The following ASB5 variants were observed in gnomAD, a reference collection of about 807,000 sequenced individuals.
ASB5 encodes ankyrin repeat and SOCS box protein 5.
In ASB5, 45 loss-of-function variants were observed where a neutral mutation model predicts 42.1. The ratio of observed to expected loss-of-function variants is 1.07; its 90% confidence interval spans 0.84 to 1.37. The LOEUF (loss-of-function observed/expected upper bound fraction) is 1.37, where lower values mean the gene tolerates loss of function less well. Among genes scored for constraint, ASB5 ranks in the 40% most tolerant of loss-of-function variants. The pLI, the probability that ASB5 is intolerant of heterozygous loss-of-function variation, is 0.00. For synonymous variants in ASB5, 147 were observed against 150.6 expected, an observed-to-expected ratio of 0.98 and a Z score of 0.18; for missense variants, 402 against 399.8, an observed-to-expected ratio of 1.01 and a Z score of -0.05.
At chr4:176,273,388 A>G (rs1463715840), upstream of ASB5, among the ~76,000 whole-genome samples, 1 of 152,142 alleles carries the variant, frequency 6.6e-6, no homozygotes, top group African/African-American at 2.4e-5. Context: ...TCACGGTAAT[A>G]TATTCACTAT....
chr4:176,226,520 C>T (rs2126950318), intron 1 of ASB5, among the ~76,000 whole-genome samples: 1 of 152,250 alleles, frequency 6.6e-6, no homozygotes, highest in South Asian at 2.1e-4. Context: ...TGAGCCAATT[C>T]CCCTAATCTC....
At chr4:176,237,412 G>A (rs1014530220) in intron 1 of ASB5, 1 of 985,704 alleles carries the variant, frequency 1.0e-6, no homozygotes, top group Non-Finnish European at 1.2e-6. Context: ...CAATATCTGC[G>A]GACATAGTTT....
At chr4:176,258,689 C>T (rs1754201887) in intron 1 of ASB5, among the ~76,000 whole-genome samples, 2 of 151,992 alleles carry the variant, frequency 1.3e-5, no homozygotes, top group African/African-American at 4.8e-5. Context: ...CATTGTCTTT[C>T]AAAAGTAATG....
chr4:176,247,057 G>T (rs1161823494), intron 1 of ASB5, among the ~76,000 whole-genome samples: 4 of 151,956 alleles, frequency 2.6e-5, no homozygotes, highest in Non-Finnish European at 5.9e-5. Context: ...TGACAAACAG[G>T]TTGAAAATGT....
In ASB5 at chr4:176,238,471, G is replaced by A. The variant is rs377411583; in HGVS notation, c.197-13130C>T. Among the ~76,000 whole-genome samples, 6 of 152,128 alleles carry A rather than the reference G, an allele frequency of 3.9e-5. No homozygotes were observed. In the East Asian group the frequency reaches 5.8e-4, roughly 15 times the overall value. ...CAGGATGAGAGGAAAAACCAAACAT[G>A]TGCCTGGTATTTTTTACTGGCCTAT... On this transcript the variant is annotated intron_variant, in intron 1 of 6. Transcript: ENST00000296525.
In ASB5 at chr4:176,219,584, ATATATATATATATATATAT is replaced by A. The variant is rs1753134978; in HGVS notation, c.670+1552_670+1570del. Among the ~76,000 whole-genome samples, 177 of 49,032 alleles carry A rather than the reference ATATATATATATATATATAT, an allele frequency of 3.6e-3. 19 individuals are homozygous for A. The highest frequency in any genetic ancestry group is 0.023 in the East Asian group (49 of 2,168). 32.2% of individuals were successfully genotyped at this position (49,032 alleles called of 152,430 possible). On this transcript the variant is annotated intron_variant, in intron 5 of 6. Transcript: ENST00000296525. ...ATGTATATATTTGTATGATATATAT[ATATATATATATATATATAT>A]ATATATATATATATAGGCTGGAGTA...
Position 176,221,283 on chromosome 4 carries a change from T to C in ASB5, c.542A>G (p.His181Arg). Residue 181 changes from histidine (H) to arginine (R), a missense_variant, in exon 5 of 7, where the codon CAT becomes CGT. His to Arg is a conservative substitution (Grantham distance 29, BLOSUM62 0). Transcript: ENST00000296525. ...GGATATCAGGATGTCAAGACATTCA[T>C]GGTGACCTGCCAACACAAAGTAGAG... is the stretch of plus-strand genomic sequence containing the variant. ...PTHEAASKGH[H>R]ECLDILISWG... The C allele has an allele frequency of 6.2e-7, 1 of 1,614,014 alleles. No individual in the cohort carries two copies. The highest frequency in any genetic ancestry group is 8.5e-7 in the Non-Finnish European group (1 of 1,179,952).
chr4:176,222,572 C>T, intron 2 of ASB5, 152 bp from the exon 3 acceptor site: 1 of 702,432 alleles, frequency 1.4e-6, no homozygotes, highest in Non-Finnish European at 2.4e-6. Flanking sequence ...GTTCAAATGC[C>T]ATAGGGTCAA....
At chr4:176,245,857 T>C (rs1377065810) in intron 1 of ASB5, among the ~76,000 whole-genome samples, 1 of 151,930 alleles carries the variant, frequency 6.6e-6, no homozygotes, top group East Asian at 1.9e-4. Context: ...ATGAGAACAC[T>C]TGAATACAGG....
chr4:176,239,153 G>A (rs1371043660), intron 1 of ASB5, among the ~76,000 whole-genome samples: 1 of 152,012 alleles, frequency 6.6e-6, no homozygotes, highest in African/African-American at 2.4e-5. Context: ...AGACTGAAGG[G>A]GCCTATTCAG....
At chr4:176,273,089 A>G (rs535867688), upstream of ASB5, among the ~76,000 whole-genome samples, 1 of 152,140 alleles carries the variant, frequency 6.6e-6, no homozygotes, top group East Asian at 1.9e-4. Flanking sequence ...AGCTGGGACT[A>G]CAGGCATGAG....
At chr4:176,242,269 C>A (rs564941070) in intron 1 of ASB5, among the ~76,000 whole-genome samples, 1 of 152,292 alleles carries the variant, frequency 6.6e-6, no homozygotes, top group African/African-American at 2.4e-5. Flanking sequence ...TTATGCTTGA[C>A]TTCATGACAG....
intron 1 of ASB5, among the ~76,000 whole-genome samples, chr4:176,246,021 A>C (rs113411380): frequency 0.093 from 13,718 of 147,444 alleles, 663 homozygotes; most frequent in African/African-American, 0.12. Context: ...CGTTGTGCAC[A>C]TGTACCCTAG....
chr4:176,257,274 C>G (rs1303594688), intron 1 of ASB5, among the ~76,000 whole-genome samples: 1 of 152,190 alleles, frequency 6.6e-6, no homozygotes, highest in Non-Finnish European at 1.5e-5. Context: ...TCAAAGAGTT[C>G]TTTCAGAGCA....
chr4:176,215,508 T>A lies in ASB5; in HGVS notation c.*92A>T. Reference sequence around the variant, plus strand: ...CTGGGTGATCTCACACTCACTTTTATCCTATCTTTAGCATATTTTTATATG... The same window carrying A: ...CTGGGTGATCTCACACTCACTTTTAACCTATCTTTAGCATATTTTTATATG... On this transcript the variant is annotated 3_prime_UTR_variant, in exon 7 of 7. Transcript: ENST00000296525. 1.5e-6 allele frequency: 2 copies of A among 1,343,720 alleles called. No individual in the cohort carries two copies. The highest frequency in any genetic ancestry group is 2.4e-5 in the Admixed American group (1 of 41,232). 83.2% of individuals were successfully genotyped at this position (1,343,720 alleles called of 1,614,324 possible). A position where few individuals can be genotyped will look rare whatever the true frequency, so the allele number is the denominator to read the frequency against.
Position 176,221,618 on chromosome 4 carries a change from A to G in ASB5, c.385-18T>C, listed in dbSNP as rs1231518109. The G allele has an allele frequency of 6.3e-7, 1 of 1,585,086 alleles. No homozygotes were observed. Among genetic ancestry groups the G allele is most frequent in the South Asian group, 1.1e-5 (1 of 89,160 alleles). ...GCATTTACCTAAACCAAACCAAAAT[A>G]TCCAAACATAAGATTCATAAGTCAT... is the stretch of plus-strand genomic sequence containing the variant. On this transcript the variant is annotated intron_variant, in intron 3 of 6. Coordinates refer to ENST00000296525, the MANE Select transcript of ASB5 (RefSeq NM_080874.4).
chr4:176,234,473 ATCCT>A (rs1156583856), intron 1 of ASB5, among the ~76,000 whole-genome samples: 1 of 151,944 alleles, frequency 6.6e-6, no homozygotes, highest in Non-Finnish European at 1.5e-5. Context: ...CTATTAAAAA[ATCCT>A]CCCTGTCCCT....
At chr4:176,240,266 C>T (rs1012528043) in intron 1 of ASB5, among the ~76,000 whole-genome samples, 1 of 152,076 alleles carries the variant, frequency 6.6e-6, no homozygotes, top group Non-Finnish European at 1.5e-5. Flanking sequence ...CTAAGATATA[C>T]CATAGATGAA....
chr4:176,267,687 G>T (rs528198796), intron 1 of ASB5, among the ~76,000 whole-genome samples: 4 of 152,098 alleles, frequency 2.6e-5, no homozygotes, highest in Non-Finnish European at 5.9e-5. Context: ...GTTAAATACA[G>T]CCTATTTACT....
Sources: gnomAD v4.1 joint callset for allele counts (sites outside exome capture counted in the v4.1 genomes callset) on GRCh38, gnomAD v4.1.1 for gene constraint, MANE v1.5 for transcripts, NCBI Gene and HGNC (gene_info 2026-07-23, HGNC 2026-07-21) for gene names.